AATF: variants seen among roughly 807,000 people sequenced by gnomAD.
The protein encoded by AATF is protein AATF.
Under a neutral mutation model 63.7 loss-of-function variants are expected in AATF, and 48 were observed. The observed-to-expected ratio is 0.75, with a 90% CI of 0.60 to 0.96. The LOEUF (loss-of-function observed/expected upper bound fraction) is 0.96. AATF is among the 40% of genes least tolerant of loss of function. The pLI, the probability that AATF is intolerant of heterozygous loss-of-function variation, is 0.00. For synonymous variants in AATF, 258 were observed against 247.7 expected, an observed-to-expected ratio of 1.04 and a Z score of -0.39; for missense variants, 639 against 685.7, an observed-to-expected ratio of 0.93 and a Z score of 0.76.
At chr17:37,019,431 C>G (rs1254727351) in intron 9 of AATF, among the ~76,000 whole-genome samples, 1 of 152,172 alleles carries the variant, frequency 6.6e-6, no homozygotes, top group African/African-American at 2.4e-5. Flanking sequence ...GCACTGCGCA[C>G]AACAGGTTCT....
chr17:37,033,027 C>T (rs963577101), intron 11 of AATF, among the ~76,000 whole-genome samples: 9 of 152,282 alleles, frequency 5.9e-5, no homozygotes, highest in Admixed American at 4.6e-4. Context: ...TTGTTTGCTA[C>T]CAAATGCCAT....
At chr17:36,999,688 C>T (rs1355203714) in intron 8 of AATF, among the ~76,000 whole-genome samples, 1 of 151,344 alleles carries the variant, frequency 6.6e-6, no homozygotes, top group Non-Finnish European at 1.5e-5. Context: ...GAAAGCAAGC[C>T]CTAGGATAGG....
At chr17:36,987,078 C>T (rs765526110) in intron 5 of AATF, among the ~76,000 whole-genome samples, 6 of 152,036 alleles carry the variant, frequency 3.9e-5, no homozygotes, top group African/African-American at 7.2e-5. Context: ...GCCTCAAACT[C>T]CTGGGCTTAA....
chr17:36,959,603 C>G (rs886968570), intron 4 of AATF, among the ~76,000 whole-genome samples: 1 of 151,990 alleles, frequency 6.6e-6, no homozygotes, highest in African/African-American at 2.4e-5. Context: ...AGAGTTTGCT[C>G]TATAGCTTTA....
chr17:36,951,449 A>T (rs1042222226), intron 2 of AATF, among the ~76,000 whole-genome samples: 7 of 152,214 alleles, frequency 4.6e-5, no homozygotes, highest in Non-Finnish European at 7.3e-5. Context: ...CAAAAAAAAA[A>T]TTATAAAATT....
At chr17:37,034,748 C>T (rs2071577340) in intron 11 of AATF, 2 of 152,124 alleles carry the variant, frequency 1.3e-5, no homozygotes, top group African/African-American at 4.8e-5. Context: ...ACATATTTTT[C>T]TACTATGTAA....
intron 10 of AATF, among the ~76,000 whole-genome samples, chr17:37,023,007 T>C (rs2071484664): frequency 6.6e-6 from 1 of 152,198 alleles, no homozygotes; most frequent in Non-Finnish European, 1.5e-5. Flanking sequence ...GATTATCTTA[T>C]TTTTTATTTT....
intron 8 of AATF, among the ~76,000 whole-genome samples, chr17:36,997,568 A>G (rs1269377813): frequency 6.6e-6 from 1 of 152,210 alleles, no homozygotes; most frequent in Non-Finnish European, 1.5e-5. Context: ...AAAAAATCAA[A>G]AAACAGTAGA....
In AATF at chr17:36,970,093, A is replaced by T. The variant is rs147127422; in HGVS notation, c.832+16186A>T. Among the ~76,000 whole-genome samples, 5 of 152,274 alleles carry T rather than the reference A, an allele frequency of 3.3e-5. No individual in the cohort carries two copies. In the East Asian group the frequency reaches 5.8e-4, roughly 18 times the overall value. On this transcript the variant is annotated intron_variant, in intron 4 of 11. Transcript: ENST00000619387. ...AAATCTGCTACAAACATTTGTATAGATGTTTTTATATGGACATAGACTTTC... is the reference window on the plus strand; with the variant it reads ...AAATCTGCTACAAACATTTGTATAGTTGTTTTTATATGGACATAGACTTTC...
intron 5 of AATF, 116 bp downstream of exon 5, chr17:36,986,847 G>A (rs2071172740): frequency 1.2e-6 from 1 of 827,864 alleles, no homozygotes; most frequent in East Asian, 2.6e-5. Context: ...GTAAAATAGA[G>A]TCTCATATTT....
chr17:37,007,457 GC>G (rs2071350669), intron 8 of AATF, among the ~76,000 whole-genome samples: 1 of 144,926 alleles, frequency 6.9e-6, no homozygotes, highest in African/African-American at 2.6e-5. Flanking sequence ...CCCTGCCTCA[GC>G]CTTCCAAAGC....
chr17:36,970,536 TTTTTC>T (rs1478312883), intron 4 of AATF, among the ~76,000 whole-genome samples: 25 of 95,538 alleles, frequency 2.6e-4, no homozygotes, highest in South Asian at 1.8e-3. Context: ...CTTTCTTTCT[TTTTTC>T]TTTTTTTTTT....
At chr17:37,012,825 C>T (rs949727346) in intron 8 of AATF, among the ~76,000 whole-genome samples, 3 of 152,160 alleles carry the variant, frequency 2.0e-5, no homozygotes, top group South Asian at 2.1e-4. Flanking sequence ...CCCTACCTTA[C>T]ACTATATATA....
chr17:37,016,688 T>A (rs890755003), intron 8 of AATF, among the ~76,000 whole-genome samples: 7 of 152,194 alleles, frequency 4.6e-5, no homozygotes, highest in African/African-American at 1.7e-4. Context: ...AAAATTGAAT[T>A]CTTCAGCCAA....
intron 5 of AATF, among the ~76,000 whole-genome samples, chr17:36,987,990 T>C (rs1179752992): frequency 6.6e-6 from 1 of 152,258 alleles, no homozygotes; most frequent in Admixed American, 6.5e-5. Context: ...AAAAATATTT[T>C]GAAACTAGTT....
chr17:36,968,327 G>T (rs2071011840), intron 4 of AATF, among the ~76,000 whole-genome samples: 1 of 104,864 alleles, frequency 9.5e-6, no homozygotes, highest in Non-Finnish European at 1.7e-5. Flanking sequence ...TTGTCACCCA[G>T]GCTTGATCTT....
intron 4 of AATF, among the ~76,000 whole-genome samples, chr17:36,955,925 A>G (rs2142205549): frequency 6.6e-6 from 1 of 152,028 alleles, no homozygotes; most frequent in African/African-American, 2.4e-5. Flanking sequence ...ACCATGCCCG[A>G]CTAATTTTTT....
chr17:36,958,614 A>C (rs2070921220), intron 4 of AATF, among the ~76,000 whole-genome samples: 1 of 152,238 alleles, frequency 6.6e-6, no homozygotes, highest in African/African-American at 2.4e-5. Context: ...CTTATATAAA[A>C]GTAGAGAAAT....
chr17:36,966,925 C>G (rs1411886010), intron 4 of AATF, among the ~76,000 whole-genome samples: 1 of 152,088 alleles, frequency 6.6e-6, no homozygotes, highest in Non-Finnish European at 1.5e-5. Context: ...TATCCAATAC[C>G]TATATACAAT....
Sources: gnomAD v4.1 joint callset for allele counts (sites outside exome capture counted in the v4.1 genomes callset) on GRCh38, gnomAD v4.1.1 for gene constraint, MANE v1.5 for transcripts, NCBI Gene and HGNC (gene_info 2026-07-23, HGNC 2026-07-21) for gene names.